CDH12: variants seen among roughly 807,000 people sequenced by gnomAD.
CDH12 encodes cadherin-12.
A neutral mutation model predicts 74.1 loss-of-function variants in CDH12; 41 were observed. The ratio of observed to expected loss-of-function variants is 0.55; its 90% CI spans 0.43 to 0.72. The LOEUF (loss-of-function observed/expected upper bound fraction) is 0.72, where lower values mean the gene tolerates loss of function less well. CDH12 is among the 30% of genes least tolerant of loss of function. CDH12 has a pLI of 0.00. For missense variants in CDH12, 945 were observed against 977.2 expected, an observed-to-expected ratio of 0.97 and a Z score of 0.44; for synonymous variants, 399 against 355.0, an observed-to-expected ratio of 1.12 and a Z score of -1.39.
intron 6 of CDH12, among the ~76,000 whole-genome samples, chr5:21,892,667 G>A (rs972413853): frequency 6.6e-6 from 1 of 151,798 alleles, no homozygotes; most frequent in Non-Finnish European, 1.5e-5. Flanking sequence ...AAAAATGTTT[G>A]CATCAGTTTA....
At chr5:22,007,960 T>G (rs1737062341) in intron 5 of CDH12, among the ~76,000 whole-genome samples, 1 of 152,008 alleles carries the variant, frequency 6.6e-6, no homozygotes, top group East Asian at 1.9e-4. Context: ...GTTTTGAGAT[T>G]GAGAGAAAAA....
chr5:22,520,585 G>C (rs575229904), intron 1 of CDH12, among the ~76,000 whole-genome samples: 5 of 152,046 alleles, frequency 3.3e-5, no homozygotes, highest in Admixed American at 6.6e-5. Context: ...GAAAAAAATA[G>C]GTAATAATAT....
intron 3 of CDH12, among the ~76,000 whole-genome samples, chr5:22,222,375 C>T (rs1049047057): frequency 2.0e-5 from 3 of 151,874 alleles, no homozygotes; most frequent in Non-Finnish European, 4.4e-5. Context: ...TTTTTCTTCT[C>T]TAAAGACCAC....
chr5:22,387,050 T>G lies in CDH12; in HGVS notation c.-333+18207A>C, dbSNP rs867048679. ...AATATGATTAAGTCTTGACTACAAATTATAACTCAGATACTTAATGGAAAT... is the reference window on the plus strand; with the variant it reads ...AATATGATTAAGTCTTGACTACAAAGTATAACTCAGATACTTAATGGAAAT... On this transcript the variant is annotated intron_variant, in intron 3 of 14. Transcript: ENST00000382254. Among the ~76,000 whole-genome samples the G allele has an allele frequency of 3.9e-5, 6 of 152,092 alleles. No individual in the cohort carries two copies. The South Asian group carries it at 6.2e-4, about 16-fold the overall frequency.
At chr5:21,841,422 A>C (rs1029965252) in intron 8 of CDH12, among the ~76,000 whole-genome samples, 1 of 151,808 alleles carries the variant, frequency 6.6e-6, no homozygotes, top group African/African-American at 2.4e-5. Context: ...ACTGTAAACT[A>C]GTTCGACCAT....
At chr5:22,580,635 G>T in intron 1 of CDH12, 1 of 470,946 alleles carries the variant, frequency 2.1e-6, no homozygotes, top group South Asian at 1.7e-5. Flanking sequence ...ACTCCCTACT[G>T]ACCACAAAAT....
At chr5:22,632,729 GGA>G (rs1286877724) in intron 1 of CDH12, among the ~76,000 whole-genome samples, 2 of 151,994 alleles carry the variant, frequency 1.3e-5, no homozygotes, top group South Asian at 2.1e-4. Flanking sequence ...CAGCTTGTAA[GGA>G]GAGAGAGAAA....
At position 21,842,318 on chromosome 5, in the gene CDH12, T is replaced by C; in HGVS notation, c.657A>G (p.Arg219=). Residue 219 remains arginine, a synonymous_variant, in exon 8 of 15, where the codon AGA becomes AGG. Transcript: ENST00000382254. ...FSIDPKTGVI[R]TALPNMDREV... ...CTCTGTCCATGTTTGGCAAAGCTGT[T>C]CTAATAACACCTTAAGGGATAAAAG... The C allele has an allele frequency of 1.9e-6, 3 of 1,607,984 alleles. No individual in the cohort carries two copies. The highest frequency in any genetic ancestry group is 2.6e-6 in the Non-Finnish European group (3 of 1,176,376).
chr5:22,662,711 T>C (rs1177560727), intron 1 of CDH12, among the ~76,000 whole-genome samples: 1 of 152,260 alleles, frequency 6.6e-6, no homozygotes, highest in Non-Finnish European at 1.5e-5. Flanking sequence ...TGTTGTCAGC[T>C]GTTGCATTCC....
intron 3 of CDH12, among the ~76,000 whole-genome samples, chr5:22,309,902 T>C (rs1052636671): frequency 2.0e-5 from 3 of 149,696 alleles, no homozygotes; most frequent in Admixed American, 1.3e-4. Flanking sequence ...TCTTAAATCC[T>C]CTGGCTCCCA....
chr5:22,270,460 C>T (rs560649351), intron 3 of CDH12, among the ~76,000 whole-genome samples: 11 of 151,428 alleles, frequency 7.3e-5, no homozygotes, highest in Non-Finnish European at 1.3e-4. Context: ...CCAGGCATGG[C>T]GGCACATGCC....
intron 1 of CDH12, among the ~76,000 whole-genome samples, chr5:22,672,817 T>C (rs1740974814): frequency 1.3e-5 from 2 of 152,286 alleles, no homozygotes; most frequent in East Asian, 3.9e-4. Flanking sequence ...TCCTCTATTC[T>C]CTTATTGAAA....
intron 1 of CDH12, among the ~76,000 whole-genome samples, chr5:22,554,314 G>A (rs894110737): frequency 5.9e-5 from 9 of 152,100 alleles, no homozygotes; most frequent in African/African-American, 2.2e-4. Context: ...TCAATTGGCT[G>A]ATAATGATGT....
At chr5:21,910,676 CTTT>C (rs5866529) in intron 6 of CDH12, among the ~76,000 whole-genome samples, 2 of 146,382 alleles carry the variant, frequency 1.4e-5, no homozygotes. Flanking sequence ...TAGGATTTAT[CTTT>C]TTTTTTTTTT....
At chr5:21,922,717 C>T (rs1422478640) in intron 6 of CDH12, among the ~76,000 whole-genome samples, 1 of 152,036 alleles carries the variant, frequency 6.6e-6, no homozygotes, top group African/African-American at 2.4e-5. Context: ...TCACCCTATT[C>T]CCTTATTTTT....
chr5:22,110,263 C>T (rs1311133455), intron 4 of CDH12, among the ~76,000 whole-genome samples: 1 of 152,120 alleles, frequency 6.6e-6, no homozygotes, highest in East Asian at 1.9e-4. Flanking sequence ...TGCCAGAGCA[C>T]CCTATTTAGG....
chr5:22,529,208 G>GAGAA (rs1737467561), intron 1 of CDH12, among the ~76,000 whole-genome samples: 1 of 145,250 alleles, frequency 6.9e-6, no homozygotes, highest in Non-Finnish European at 1.5e-5. Flanking sequence ...GAGAGAGAGA[G>GAGAA]AGAGAGAGAG....
At chr5:22,339,988 T>C (rs1453454382) in intron 3 of CDH12, among the ~76,000 whole-genome samples, 1 of 152,188 alleles carries the variant, frequency 6.6e-6, no homozygotes, top group African/African-American at 2.4e-5. Flanking sequence ...TATAAGTACA[T>C]TTCTATTTTA....
At chr5:21,760,408 T>G in intron 13 of CDH12, 150 bp downstream of exon 13, 1 of 584,190 alleles carries the variant, frequency 1.7e-6, no homozygotes, top group Non-Finnish European at 3.1e-6. Flanking sequence ...AATATTTAAT[T>G]TACTACTAGG....
Sources: allele counts gnomAD v4.1 joint callset (sites outside exome capture counted in the v4.1 genomes callset), GRCh38; gene constraint gnomAD v4.1.1; transcripts MANE v1.5; gene names NCBI Gene and HGNC (gene_info 2026-07-23, HGNC 2026-07-21).